The following STK38L variants were observed in gnomAD, a reference collection of about 807,000 sequenced individuals.
The protein encoded by STK38L is serine/threonine-protein kinase 38-like.
A neutral mutation model predicts 59.7 loss-of-function variants in STK38L; 28 were observed. That is an observed-to-expected ratio of 0.47 (90% CI 0.35 to 0.64). STK38L has a LOEUF of 0.64. STK38L is among the 30% of genes least tolerant of loss of function. STK38L has a pLI of 0.01. For synonymous variants in STK38L, 162 were observed against 176.8 expected (o/e 0.92, Z 0.66); for missense variants, 314 against 555.8 (o/e 0.56, Z 4.37).
At chr12:27,268,566 C>T (rs543570435) in intron 1 of STK38L, among the ~76,000 whole-genome samples, 160 of 152,214 alleles carry the variant, frequency 1.1e-3, no homozygotes, top group Non-Finnish European at 1.9e-3. Flanking sequence ...GTGAATAGTG[C>T]CACAATAAAC....
At chr12:27,304,890 A>T (rs1944269954) in intron 3 of STK38L, among the ~76,000 whole-genome samples, 1 of 149,800 alleles carries the variant, frequency 6.7e-6, no homozygotes, top group Non-Finnish European at 1.5e-5. Context: ...AACTTATATG[A>T]TTTTTTTTTT....
At chr12:27,294,333 A>C (rs1943961167) in intron 1 of STK38L, among the ~76,000 whole-genome samples, 1 of 152,002 alleles carries the variant, frequency 6.6e-6, no homozygotes, top group South Asian at 2.1e-4. Context: ...CAGCCTGGCC[A>C]ACTTGGTGAA....
At chr12:27,273,995 C>G (rs1052113486) in intron 1 of STK38L, among the ~76,000 whole-genome samples, 1 of 152,048 alleles carries the variant, frequency 6.6e-6, no homozygotes, top group African/African-American at 2.4e-5. Flanking sequence ...TGGTTCACGC[C>G]TGTAATCCCA....
intron 1 of STK38L, among the ~76,000 whole-genome samples, chr12:27,251,130 C>A (rs1208556665): frequency 6.6e-6 from 1 of 151,868 alleles, no homozygotes; most frequent in Non-Finnish European, 1.5e-5. Context: ...CCCAAGTTTT[C>A]TTTCTTCTCT....
At chr12:27,283,740 T>A (rs1187137242) in intron 1 of STK38L, among the ~76,000 whole-genome samples, 3 of 152,242 alleles carry the variant, frequency 2.0e-5, no homozygotes, top group Non-Finnish European at 4.4e-5. Flanking sequence ...AGTGCATTTT[T>A]ATATTTTAGA....
At chr12:27,288,132 T>G (rs1943817303) in intron 1 of STK38L, among the ~76,000 whole-genome samples, 1 of 152,150 alleles carries the variant, frequency 6.6e-6, no homozygotes, top group Admixed American at 6.5e-5. Flanking sequence ...TCCACCTGCC[T>G]TAGCCTTCCA....
rs552603329 is a variant in STK38L at position 27,298,176 on chromosome 12, G to A, written c.134+322G>A. 1.4e-4 allele frequency: 25 copies of A among 184,148 alleles called. No homozygotes were observed. The South Asian group carries it at 2.7e-3, about 20-fold the overall frequency. 11.4% of individuals were successfully genotyped at this position (184,148 alleles called of 1,614,324 possible). Reference sequence around the variant, plus strand: ...CCTGGCTTGGTGTGGTGTGGCTCATGCCTATAATCCCAGCACTTTGGGAAG... The same window carrying A: ...CCTGGCTTGGTGTGGTGTGGCTCATACCTATAATCCCAGCACTTTGGGAAG... On this transcript the variant is annotated intron_variant, in intron 2 of 13. Transcript: ENST00000389032.
chr12:27,281,068 T>G (rs1591884833), intron 1 of STK38L, among the ~76,000 whole-genome samples: 1 of 4,154 alleles, frequency 2.4e-4, no homozygotes, highest in Non-Finnish European at 5.3e-4. Flanking sequence ...TTTAGCTTTG[T>G]TTTTTTTTTT....
chr12:27,254,764 A>T (rs1943053907), intron 1 of STK38L, among the ~76,000 whole-genome samples: 1 of 152,174 alleles, frequency 6.6e-6, no homozygotes, highest in Non-Finnish European at 1.5e-5. Context: ...CAGAAGGAGG[A>T]AAAGCGGGCT....
chr12:27,254,217 T>C (rs1039676192), intron 1 of STK38L, among the ~76,000 whole-genome samples: 1 of 152,188 alleles, frequency 6.6e-6, no homozygotes, highest in Non-Finnish European at 1.5e-5. Flanking sequence ...ACCTTTCCCA[T>C]AGGGTTTTAT....
intron 1 of STK38L, among the ~76,000 whole-genome samples, chr12:27,268,986 T>G (rs556555297): frequency 6.6e-6 from 1 of 152,328 alleles, no homozygotes; most frequent in South Asian, 2.1e-4. Context: ...TTCTTGTAAA[T>G]TTGTTTGGGT....
chr12:27,259,255 A>G (rs1223324778), intron 1 of STK38L, among the ~76,000 whole-genome samples: 2 of 152,140 alleles, frequency 1.3e-5, no homozygotes, highest in Non-Finnish European at 2.9e-5. Context: ...TGAAAGATGG[A>G]GTACTTTGTC....
intron 2 of STK38L, among the ~76,000 whole-genome samples, chr12:27,298,796 T>C (rs570658647): frequency 6.6e-6 from 1 of 152,330 alleles, no homozygotes; most frequent in East Asian, 1.9e-4. Flanking sequence ...GGTCAGGCAG[T>C]GTCCAATTTC....
rs1565550052 is a variant in STK38L, at chr12:27,308,321, A to C, written c.187-18A>C. ...CCTAATTATAAAATCATCCGTTTAAATTGTTTTTTTTTAATAGAAAAAGTT... is the reference window on the plus strand; with the variant it reads ...CCTAATTATAAAATCATCCGTTTAACTTGTTTTTTTTTAATAGAAAAAGTT... On this transcript the variant is annotated intron_variant, in intron 3 of 13. Transcript: ENST00000389032. This position sits in a 1 kb window ranked among gnomAD's most constrained non-coding sequence, Gnocchi z 4.5. The C allele has an allele frequency of 6.6e-7, 1 of 1,524,404 alleles. No homozygotes were observed. 94.4% of individuals were successfully genotyped at this position (1,524,404 alleles called of 1,614,324 possible). A position where few individuals can be genotyped will look rare whatever the true frequency, so the allele number is the denominator to read the frequency against.
intron 1 of STK38L, among the ~76,000 whole-genome samples, chr12:27,296,613 A>G (rs925889523): frequency 2.0e-5 from 3 of 152,198 alleles, no homozygotes; most frequent in Admixed American, 2.0e-4. Context: ...AGGTTTGGGG[A>G]ACACTTTTCA....
intron 1 of STK38L, among the ~76,000 whole-genome samples, chr12:27,295,399 A>T (rs975093837): frequency 6.6e-5 from 10 of 152,222 alleles, no homozygotes; most frequent in Admixed American, 1.3e-4. Flanking sequence ...ATAAGACCAT[A>T]TGATCAGTTA....
intron 1 of STK38L, among the ~76,000 whole-genome samples, chr12:27,282,859 C>T (rs1943690402): frequency 6.6e-6 from 1 of 152,172 alleles, no homozygotes; most frequent in Non-Finnish European, 1.5e-5. Context: ...ACAGAAGGTA[C>T]AGTATGCTGA....
chr12:27,264,296 G>A (rs536364390), intron 1 of STK38L, among the ~76,000 whole-genome samples: 9 of 152,284 alleles, frequency 5.9e-5, no homozygotes, highest in African/African-American at 2.2e-4. Context: ...TACCAACAGT[G>A]CCATTAGTAA....
At chr12:27,314,945 AGAG>A in intron 7 of STK38L, 67 bp from the exon 8 acceptor site, 1 of 1,160,144 alleles carries the variant, frequency 8.6e-7, no homozygotes, top group South Asian at 1.5e-5. Context: ...GCCATTTAAT[AGAG>A]GAGTTTATAA....
Sources: gnomAD v4.1 joint callset for allele counts (sites outside exome capture counted in the v4.1 genomes callset) on GRCh38, gnomAD v4.1.1 for gene constraint, Gnocchi (gnomAD v3.1) non-coding constraint, MANE v1.5 for transcripts, NCBI Gene and HGNC (gene_info 2026-07-23, HGNC 2026-07-21) for gene names.